TUBE1: variants seen among roughly 807,000 people sequenced by gnomAD.
TUBE1 encodes tubulin epsilon 1, also known as tubulin epsilon chain.
TUBE1 carries 34 observed loss-of-function variants against 53.5 expected under a neutral mutation model. The observed-to-expected ratio is 0.64, with a 90% CI of 0.48 to 0.85. TUBE1 has a LOEUF of 0.85. TUBE1 is among the 40% of genes least tolerant of loss of function. The pLI is 0.00. For synonymous variants in TUBE1, 177 were observed against 198.4 expected, an observed-to-expected ratio of 0.89 and a Z score of 0.91; for missense variants, 532 against 570.5, an observed-to-expected ratio of 0.93 and a Z score of 0.69.
chr6:112,077,278 A>G (rs977439646), intron 6 of TUBE1: 6 of 152,220 alleles, frequency 3.9e-5, no homozygotes, highest in Non-Finnish European at 7.3e-5. Flanking sequence ...AAAATTTTCA[A>G]ATATGAAACA....
intron 1 of TUBE1, 27 bp from the exon 2 acceptor site, chr6:112,087,333 A>C: frequency 6.4e-7 from 1 of 1,551,704 alleles, no homozygotes; most frequent in Non-Finnish European, 8.7e-7. Flanking sequence ...GGAAGGAAAG[A>C]GAATAGGACA....
intron 9 of TUBE1, 46 bp from the exon 10 acceptor site, chr6:112,072,944 T>C: frequency 6.3e-7 from 1 of 1,595,062 alleles, no homozygotes; most frequent in South Asian, 1.1e-5. Context: ...ATTACTTCTT[T>C]CTATGTATAA....
intron 3 of TUBE1, 25 bp from the exon 4 acceptor site, chr6:112,084,271 G>A: frequency 6.3e-7 from 1 of 1,592,968 alleles, no homozygotes; most frequent in South Asian, 1.1e-5. Flanking sequence ...AATGAGAAAT[G>A]GTCATAAGAT....
chr6:112,082,111 GTAAT>G (rs1777080887), intron 4 of TUBE1, among the ~76,000 whole-genome samples: 1 of 152,114 alleles, frequency 6.6e-6, no homozygotes, highest in South Asian at 2.1e-4. Flanking sequence ...AATCATGTGT[GTAAT>G]TAACCATGCT....
intron 10 of TUBE1, among the ~76,000 whole-genome samples, chr6:112,072,473 C>G (rs1232210198): frequency 6.6e-6 from 1 of 152,006 alleles, no homozygotes. Flanking sequence ...TATAGTAGTA[C>G]TGGTGGCAGT....
rs139494820 is a variant in TUBE1, at chr6:112,085,141, A to G, written c.153-895T>C. 3.1e-3 allele frequency among the ~76,000 whole-genome samples: 470 copies of G among 152,356 alleles called. 2 individuals carry two copies. Among genetic ancestry groups the G allele is most frequent in the African/African-American group, 0.011 (448 of 41,592 alleles). On this transcript the variant is annotated intron_variant, in intron 3 of 11. Coordinates refer to ENST00000368662, the MANE Select transcript of TUBE1 (RefSeq NM_016262.5). ...CTGGTCCTTTACAGAAAATATATGCATGCCAACCCATGCTGTAGGTAAATT... is the reference window on the plus strand; with the variant it reads ...CTGGTCCTTTACAGAAAATATATGCGTGCCAACCCATGCTGTAGGTAAATT...
chr6:112,085,013 A>G (rs1414973323), intron 3 of TUBE1, among the ~76,000 whole-genome samples: 1 of 152,232 alleles, frequency 6.6e-6, no homozygotes, highest in Non-Finnish European at 1.5e-5. Context: ...TCAAATGTGG[A>G]CACACCCATT....
At chr6:112,083,699 C>T (rs931912407) in intron 4 of TUBE1, among the ~76,000 whole-genome samples, 9 of 152,154 alleles carry the variant, frequency 5.9e-5, no homozygotes. Flanking sequence ...TCGTTACAGA[C>T]AATCACAGAA....
At position 112,076,775 on chromosome 6, in the gene TUBE1, C is replaced by A. The variant is rs587598956; in HGVS notation, c.449-266G>T. The A allele has an allele frequency of 6.1e-5, 14 of 229,670 alleles. No homozygotes were observed. In the East Asian group the frequency reaches 1.2e-3, roughly 20 times the overall value. 14.2% of individuals were successfully genotyped at this position (229,670 alleles called of 1,614,324 possible). On this transcript the variant is annotated intron_variant, in intron 6 of 11. Transcript: ENST00000368662. The stretch of plus-strand genomic sequence containing the variant: ...GTAGAGATAGGGTCTACCTATGTTG[C>A]CCAGGCTGGTCTTGAACTCCTAGGT...
At chr6:112,072,208 T>G in intron 10 of TUBE1, 132 bp from the exon 11 acceptor site, 1 of 619,442 alleles carries the variant, frequency 1.6e-6, no homozygotes, top group Non-Finnish European at 2.6e-6. Context: ...GTTTAGACGC[T>G]AAGTTATCTA....
chr6:112,086,689 T>C, intron 2 of TUBE1, 81 bp from the exon 3 acceptor site: 1 of 890,284 alleles, frequency 1.1e-6, no homozygotes, highest in Non-Finnish European at 1.8e-6. Flanking sequence ...AATTACATAA[T>C]ACTGTAATGG....
intron 11 of TUBE1, 81 bp from the exon 12 acceptor site, chr6:112,071,651 T>C (rs1367834217): frequency 1.6e-5 from 19 of 1,205,350 alleles, no homozygotes; most frequent in African/African-American, 3.1e-5. Context: ...AAATATTCCT[T>C]ATTAAAATTA....
At chr6:112,080,839 G>A (rs1310541423) in intron 5 of TUBE1, among the ~76,000 whole-genome samples, 3 of 152,044 alleles carry the variant, frequency 2.0e-5, no homozygotes, top group Non-Finnish European at 4.4e-5. Flanking sequence ...ATTATTTAAT[G>A]TTCTTCAAGA....
In TUBE1 at chr6:112,079,768, T is replaced by C; in HGVS notation, c.327-14A>G. 6.3e-7 allele frequency: 1 copy of C among 1,590,052 alleles called. No homozygotes were observed. Among genetic ancestry groups the C allele is most frequent in the Non-Finnish European group, 8.5e-7 (1 of 1,173,268 alleles). Reference sequence around the variant, plus strand: ...TGACCCACGGCCCTGAAAATTAGAATATGGATTTTAAAAATTCCTTGCATT... The same window carrying C: ...TGACCCACGGCCCTGAAAATTAGAACATGGATTTTAAAAATTCCTTGCATT... On this transcript the variant is annotated splice_polypyrimidine_tract_variant and intron_variant, in intron 5 of 11. Coordinates refer to ENST00000368662, the MANE Select transcript of TUBE1 (RefSeq NM_016262.5).
At position 112,074,757 on chromosome 6, in the gene TUBE1, G is replaced by A; in HGVS notation, c.906C>T (p.Ser302=). ...CTGTCAGTGTATACAGAGGTGTTAG[G>A]CTTGACACGAGATAATGAAGTTGAG... is the stretch of plus-strand genomic sequence containing the variant. ...PFPQLHYLVS[S]LTPLYTLTDV... is the part of the protein sequence containing the mutation. The change falls in exon 9 of 12, where the codon AGC becomes AGT. Residue 302 remains serine, a synonymous_variant. Transcript: ENST00000368662. 7 of 1,607,272 alleles carry A rather than the reference G, an allele frequency of 4.4e-6. No individual in the cohort carries two copies. The highest frequency in any genetic ancestry group is 1.1e-5 in the South Asian group (1 of 89,930).
chr6:112,072,571 C>T (rs1483426917), intron 10 of TUBE1, among the ~76,000 whole-genome samples, 187 bp downstream of exon 10: 1 of 151,946 alleles, frequency 6.6e-6, no homozygotes, highest in Non-Finnish European at 1.5e-5. Context: ...TAAATAAAAA[C>T]CATGTACTAT....
At chr6:112,072,291 T>C (rs1265495751) in intron 10 of TUBE1, among the ~76,000 whole-genome samples, 2 of 152,120 alleles carry the variant, frequency 1.3e-5, no homozygotes, top group Non-Finnish European at 2.9e-5. Context: ...GAACATTAAA[T>C]TGGCTGTGTT....
intron 11 of TUBE1, 112 bp downstream of exon 11, chr6:112,071,790 C>A: frequency 9.0e-7 from 1 of 1,116,802 alleles, no homozygotes; most frequent in East Asian, 2.6e-5. Flanking sequence ...ATAATCAGTA[C>A]AACGCACATA....
chr6:112,076,156 G>A, intron 7 of TUBE1, 44 bp from the exon 8 acceptor site: 1 of 1,530,164 alleles, frequency 6.5e-7, no homozygotes, highest in South Asian at 1.2e-5. Flanking sequence ...TAAGAAGAGT[G>A]GATGTAGATG....
Sources: gnomAD v4.1 joint callset for allele counts (sites outside exome capture counted in the v4.1 genomes callset) on GRCh38, gnomAD v4.1.1 for gene constraint, MANE v1.5 for transcripts, NCBI Gene and HGNC (gene_info 2026-07-23, HGNC 2026-07-21) for gene names.